The following POU6F2 variants were observed in gnomAD, a reference collection of about 807,000 sequenced individuals.
POU6F2 encodes POU domain, class 6, transcription factor 2.
Under a neutral mutation model 71.3 loss-of-function variants are expected in POU6F2, and 31 were observed. That is an observed-to-expected ratio of 0.43 (90% CI 0.33 to 0.59). The LOEUF (loss-of-function observed/expected upper bound fraction) is 0.59. Among genes scored for constraint, POU6F2 ranks in the 20% least tolerant of loss-of-function variants. POU6F2 has a pLI of 0.04. For missense variants in POU6F2, 783 were observed against 856.8 expected, an observed-to-expected ratio of 0.91 and a Z score of 1.07; for synonymous variants, 347 against 355.7, an observed-to-expected ratio of 0.98 and a Z score of 0.27.
At chr7:39,074,429 G>A (rs545373362) in intron 1 of POU6F2, among the ~76,000 whole-genome samples, 167 of 151,884 alleles carry the variant, frequency 1.1e-3, no homozygotes, top group Non-Finnish European at 1.9e-3. Context: ...GCAGTGAGCC[G>A]AGATCACGCC....
chr7:39,152,681 C>G (rs577571956), intron 2 of POU6F2, among the ~76,000 whole-genome samples: 3 of 152,250 alleles, frequency 2.0e-5, no homozygotes, highest in Non-Finnish European at 2.9e-5. Flanking sequence ...GATCGTGAAG[C>G]CTCTCACCAC....
chr7:39,359,697 G>A (rs147928483), intron 5 of POU6F2, among the ~76,000 whole-genome samples: 37 of 152,224 alleles, frequency 2.4e-4, no homozygotes, highest in African/African-American at 8.2e-4. Flanking sequence ...GCACTGATGA[G>A]AGGTTTCCCA....
chr7:39,303,602 G>C (rs898045114), intron 4 of POU6F2, among the ~76,000 whole-genome samples: 2 of 152,190 alleles, frequency 1.3e-5, no homozygotes, highest in African/African-American at 2.4e-5. Context: ...CCTCTGGTTG[G>C]ATGGGATGGA....
At chr7:39,093,106 T>G (rs1291023782) in intron 2 of POU6F2, among the ~76,000 whole-genome samples, 1 of 152,096 alleles carries the variant, frequency 6.6e-6, no homozygotes, top group East Asian at 1.9e-4. Context: ...GATTTTAAGG[T>G]CTTATATGTA....
intron 1 of POU6F2, among the ~76,000 whole-genome samples, chr7:39,018,837 A>C (rs1248405840): frequency 1.3e-5 from 2 of 152,166 alleles, no homozygotes; most frequent in Non-Finnish European, 1.5e-5. Flanking sequence ...TTTTCACTTT[A>C]CATATTTTAA....
intron 4 of POU6F2, among the ~76,000 whole-genome samples, chr7:39,234,501 C>G (rs1362916424): frequency 6.6e-6 from 1 of 150,904 alleles, no homozygotes; most frequent in Admixed American, 6.6e-5. Context: ...TTTTTTTTTT[C>G]AGGTGAAGAC....
chr7:39,176,766 T>C (rs1451554906), intron 2 of POU6F2, among the ~76,000 whole-genome samples: 2 of 152,250 alleles, frequency 1.3e-5, no homozygotes, highest in Non-Finnish European at 2.9e-5. Flanking sequence ...TTCCTGAATG[T>C]TGAAGTTTTC....
intron 1 of POU6F2, among the ~76,000 whole-genome samples, chr7:39,019,740 A>G (rs1789638789): frequency 6.6e-6 from 1 of 151,394 alleles, no homozygotes; most frequent in Non-Finnish European, 1.5e-5. Flanking sequence ...TTACATTTTG[A>G]ATTTTCAAAA....
chr7:39,034,570 G>A lies in POU6F2; in HGVS notation c.106-51290G>A, dbSNP rs138559691. The A allele has an allele frequency of 5.9e-3, 2,014 of 342,098 alleles. 10 individuals carry two copies. The highest frequency in any genetic ancestry group is 9.6e-3 in the Non-Finnish European group (1,513 of 157,958). 21.2% of individuals were successfully genotyped at this position (342,098 alleles called of 1,614,324 possible). ...TGGGTTCGCTCTGGGCTTTGATGCT[G>A]CAGAAGGTCACTAGGGGAATCGATG... is the stretch of plus-strand genomic sequence containing the variant. On this transcript the variant is annotated intron_variant, in intron 1 of 9. Transcript: ENST00000518318.
At chr7:39,444,753 G>A (rs1307960932) in intron 7 of POU6F2, among the ~76,000 whole-genome samples, 1 of 152,134 alleles carries the variant, frequency 6.6e-6, no homozygotes, top group Non-Finnish European at 1.5e-5. Context: ...CCAAAGTCAG[G>A]GTCTCTTCAG....
At chr7:39,136,370 C>T (rs1193641608) in intron 2 of POU6F2, among the ~76,000 whole-genome samples, 2 of 151,984 alleles carry the variant, frequency 1.3e-5, no homozygotes, top group Non-Finnish European at 2.9e-5. Flanking sequence ...TGCAAGGTAC[C>T]GTCTCAAGAA....
At chr7:38,980,215 C>T (rs1788282127) in intron 1 of POU6F2, among the ~76,000 whole-genome samples, 1 of 152,050 alleles carries the variant, frequency 6.6e-6, no homozygotes, top group Non-Finnish European at 1.5e-5. Context: ...TTAAAAACGC[C>T]TCAAAATGCC....
chr7:39,024,900 G>A (rs1463560553), intron 1 of POU6F2, among the ~76,000 whole-genome samples: 5 of 152,000 alleles, frequency 3.3e-5, no homozygotes, highest in African/African-American at 7.2e-5. Flanking sequence ...TGCTGGATTC[G>A]TTTTGCCAGT....
chr7:39,002,566 C>G (rs553677415), intron 1 of POU6F2, among the ~76,000 whole-genome samples: 1 of 152,164 alleles, frequency 6.6e-6, no homozygotes, highest in Admixed American at 6.5e-5. Flanking sequence ...AGGCTGGTCT[C>G]GAATCTGTGG....
intron 1 of POU6F2, among the ~76,000 whole-genome samples, chr7:39,038,065 A>G (rs562245869): frequency 6.6e-6 from 1 of 152,174 alleles, no homozygotes; most frequent in African/African-American, 2.4e-5. Flanking sequence ...TTGGTCACAG[A>G]CCTGTTCAAG....
intron 4 of POU6F2, among the ~76,000 whole-genome samples, chr7:39,322,214 A>G (rs2128769246): frequency 6.6e-6 from 1 of 152,322 alleles, no homozygotes; most frequent in South Asian, 2.1e-4. Flanking sequence ...GCAGATGGCC[A>G]GGAGTGGAGC....
chr7:39,098,685 G>A (rs1238489945), intron 2 of POU6F2, among the ~76,000 whole-genome samples: 2 of 152,220 alleles, frequency 1.3e-5, no homozygotes, highest in African/African-American at 4.8e-5. Context: ...GTAATAACAT[G>A]TTGAAGCTTC....
chr7:39,183,853 T>C (rs548985323), intron 2 of POU6F2, among the ~76,000 whole-genome samples: 33 of 152,322 alleles, frequency 2.2e-4, no homozygotes, highest in Admixed American at 9.2e-4. Flanking sequence ...ATAACAAATA[T>C]AATTCCTCAT....
At chr7:39,451,061 C>T (rs1230053174) in intron 7 of POU6F2, among the ~76,000 whole-genome samples, 1 of 152,188 alleles carries the variant, frequency 6.6e-6, no homozygotes, top group African/African-American at 2.4e-5. Context: ...TTCCCACACA[C>T]ACTCAGCCTA....
Sources: gnomAD v4.1 joint callset for allele counts (sites outside exome capture counted in the v4.1 genomes callset) on GRCh38, gnomAD v4.1.1 for gene constraint, MANE v1.5 for transcripts, NCBI Gene and HGNC (gene_info 2026-07-23, HGNC 2026-07-21) for gene names.